Variants in RECK observed in about 807,000 individuals in gnomAD.
The protein encoded by RECK is reversion inducing cysteine rich protein with kazal motifs.
A neutral mutation model predicts 115.1 loss-of-function variants in RECK; 69 were observed. The observed-to-expected ratio is 0.60, with a 90% CI of 0.49 to 0.73. RECK has a LOEUF of 0.73. Among genes scored for constraint, RECK ranks in the 30% least tolerant of loss-of-function variants. The pLI is 0.00. For synonymous variants in RECK, 414 were observed against 419.7 expected, an observed-to-expected ratio of 0.99 and a Z score of 0.17; for missense variants, 1,047 against 1,203.7, an observed-to-expected ratio of 0.87 and a Z score of 1.93.
intron 10 of RECK, among the ~76,000 whole-genome samples, chr9:36,095,574 T>G (rs1467711250): frequency 6.6e-6 from 1 of 152,150 alleles, no homozygotes; most frequent in African/African-American, 2.4e-5. Flanking sequence ...AATAAAAGAT[T>G]AGGAAATTCA....
intron 2 of RECK, among the ~76,000 whole-genome samples, chr9:36,052,933 C>T (rs1384868881): frequency 6.6e-6 from 1 of 152,098 alleles, no homozygotes; most frequent in Non-Finnish European, 1.5e-5. Flanking sequence ...TATACCAATA[C>T]TGTGATCCTG....
intron 1 of RECK, among the ~76,000 whole-genome samples, chr9:36,045,784 T>G (rs563959882): frequency 3.3e-4 from 50 of 152,288 alleles, no homozygotes; most frequent in Admixed American, 3.0e-3. Flanking sequence ...AAGCTGCGTT[T>G]TTCTGCATGT....
intron 11 of RECK, 111 bp downstream of exon 11, chr9:36,100,654 C>G: frequency 1.3e-6 from 1 of 744,898 alleles, no homozygotes; most frequent in Non-Finnish European, 2.2e-6. Flanking sequence ...TTGCCTATCA[C>G]CCCCGTATGT....
intron 6 of RECK, among the ~76,000 whole-genome samples, chr9:36,071,423 A>G (rs1588294755): frequency 2.0e-5 from 3 of 152,148 alleles, no homozygotes; most frequent in Admixed American, 6.6e-5. Flanking sequence ...TTAATGGCAG[A>G]CCTTACCTGC....
At chr9:36,062,814 CATTT>C (rs1821833030) in intron 4 of RECK, among the ~76,000 whole-genome samples, 1 of 152,092 alleles carries the variant, frequency 6.6e-6, no homozygotes, top group South Asian at 2.1e-4. Context: ...CATTCACTGA[CATTT>C]ATGATTGCAA....
At chr9:36,116,273 C>T (rs1286470462) in intron 16 of RECK, among the ~76,000 whole-genome samples, 2 of 152,078 alleles carry the variant, frequency 1.3e-5, no homozygotes, top group African/African-American at 4.8e-5. Context: ...GGATTACAGG[C>T]ATGCGCCACC....
chr9:36,086,134 G>A (rs534991649), intron 8 of RECK: 3 of 152,320 alleles, frequency 2.0e-5, no homozygotes, highest in Non-Finnish European at 4.4e-5. Context: ...ATGGTTGAAA[G>A]TGTTTTTTTA....
At position 36,082,152 on chromosome 9, in the gene RECK, T is replaced by TTCTCTCTCTCTCTCTCTCTCTCTC. The variant is rs71508008; in HGVS notation, c.440-1200_440-1177dup. 6.2e-4 allele frequency among the ~76,000 whole-genome samples: 70 copies of TTCTCTCTCTCTCTCTCTCTCTCTC among 113,710 alleles called. 2 individuals carry two copies. The highest frequency in any genetic ancestry group is 4.0e-3 in the East Asian group (12 of 2,980). 74.6% of individuals were successfully genotyped at this position (113,710 alleles called of 152,430 possible). On this transcript the variant is annotated intron_variant, in intron 7 of 20. Coordinates refer to ENST00000377966, the MANE Select transcript of RECK (RefSeq NM_021111.3). ...AATTATCAAGAATTTCCTCCCTGCT[T>TTCTCTCTCTCTCTCTCTCTCTCTC]TCTCTCTCTCTCTCTCTCTCTCTCT...
intron 12 of RECK, among the ~76,000 whole-genome samples, chr9:36,104,292 G>GTGCATATATA (rs34438663): frequency 0.022 from 958 of 43,842 alleles, 88 homozygotes; most frequent in East Asian, 0.094. Context: ...GTGTGTGTGT[G>GTGCATATATA]TATATATATA....
At chr9:36,106,221 A>C (rs944935058) in intron 13 of RECK, among the ~76,000 whole-genome samples, 6 of 151,218 alleles carry the variant, frequency 4.0e-5, no homozygotes, top group Admixed American at 3.9e-4. Flanking sequence ...AAAAAAAAAA[A>C]AAAAGATTAA....
chr9:36,116,341 T>G (rs2132672062), intron 16 of RECK, among the ~76,000 whole-genome samples: 1 of 152,292 alleles, frequency 6.6e-6, no homozygotes, highest in South Asian at 2.1e-4. Context: ...TTGGTCAGGC[T>G]GGTCTCGACT....
At chr9:36,119,506 A>AT (rs1158410399) in intron 18 of RECK, among the ~76,000 whole-genome samples, 2 of 152,140 alleles carry the variant, frequency 1.3e-5, no homozygotes, top group African/African-American at 2.4e-5. Context: ...TTACCTTACA[A>AT]TCTCACACTC....
intron 6 of RECK, among the ~76,000 whole-genome samples, chr9:36,078,552 C>T (rs1379749508): frequency 6.6e-6 from 1 of 152,154 alleles, no homozygotes; most frequent in Non-Finnish European, 1.5e-5. Context: ...ACTCCCCACC[C>T]CTCAGTTGTG....
chr9:36,085,593 G>A (rs955238018), intron 8 of RECK: 20 of 151,774 alleles, frequency 1.3e-4, no homozygotes, highest in Admixed American at 1.3e-3. Flanking sequence ...TGGGTGTGGT[G>A]ACACACCCAG....
At chr9:36,065,825 T>C (rs1361007611) in intron 6 of RECK, among the ~76,000 whole-genome samples, 1 of 152,190 alleles carries the variant, frequency 6.6e-6, no homozygotes, top group Non-Finnish European at 1.5e-5. Flanking sequence ...GAAGTATTAA[T>C]TTTAAAGAAA....
chr9:36,085,663 G>A (rs1280563194), intron 8 of RECK: 1 of 151,814 alleles, frequency 6.6e-6, no homozygotes, highest in African/African-American at 2.4e-5. Flanking sequence ...GTTGCAGTGA[G>A]CCATCATCAC....
At chr9:36,057,325 CT>C (rs1189391159) in intron 2 of RECK, among the ~76,000 whole-genome samples, 3 of 152,028 alleles carry the variant, frequency 2.0e-5, no homozygotes, top group East Asian at 1.9e-4. Flanking sequence ...ATAAACTTAT[CT>C]TTTTTTTCTT....
intron 1 of RECK, among the ~76,000 whole-genome samples, chr9:36,041,847 C>T (rs1820879510): frequency 1.3e-5 from 2 of 150,838 alleles, no homozygotes; most frequent in South Asian, 4.2e-4. Context: ...TCTTCTTGAC[C>T]TTATAGCTGC....
intron 1 of RECK, among the ~76,000 whole-genome samples, chr9:36,043,511 C>T (rs943580842): frequency 2.0e-5 from 3 of 151,958 alleles, no homozygotes; most frequent in Non-Finnish European, 2.9e-5. Context: ...TGTGCAGAAG[C>T]TTTTTAGTTT....
Sources: allele counts gnomAD v4.1 joint callset (sites outside exome capture counted in the v4.1 genomes callset), GRCh38; gene constraint gnomAD v4.1.1; transcripts MANE v1.5; gene names NCBI Gene and HGNC (gene_info 2026-07-23, HGNC 2026-07-21).